CNGB3: variants seen among roughly 807,000 people sequenced by gnomAD.
The protein encoded by CNGB3 is cyclic nucleotide-gated channel beta-3.
In CNGB3, 86 loss-of-function variants were observed where a neutral mutation model predicts 92.8. The ratio of observed to expected loss-of-function variants is 0.93; its 90% CI spans 0.78 to 1.11. The LOEUF is 1.11. CNGB3 is among the 50% of genes least tolerant of loss of function. The pLI, the probability that CNGB3 is intolerant of heterozygous loss-of-function variation, is 0.00. For missense variants in CNGB3, 1,026 were observed against 956.8 expected, an observed-to-expected ratio of 1.07 and a Z score of -0.95; for synonymous variants, 333 against 332.7, an observed-to-expected ratio of 1.00 and a Z score of -0.01.
intron 2 of CNGB3, among the ~76,000 whole-genome samples, chr8:86,735,299 T>C (rs111745228): frequency 0.014 from 2,141 of 151,534 alleles, 42 homozygotes; most frequent in African/African-American, 0.048. Context: ...TCCACCACCA[T>C]GCCTGGCTAA....
At position 86,589,269 on chromosome 8, in the gene CNGB3, T is replaced by C. The variant is rs1248501468; in HGVS notation, c.1782-10017A>G. On this transcript the variant is annotated intron_variant, in intron 15 of 17. Coordinates refer to ENST00000320005, the MANE Select transcript of CNGB3 (RefSeq NM_019098.5). ...TCTTGCTAGCGGTCTATCAATTTTG[T>C]TGATCCTTTCAAAAAACCAGATCCT... Among the ~76,000 whole-genome samples, 18 of 151,438 alleles carry C rather than the reference T, an allele frequency of 1.2e-4. No homozygotes were observed. The East Asian group carries it at 3.3e-3, about 28-fold the overall frequency.
At chr8:86,589,254 G>A (rs1185355365) in intron 15 of CNGB3, among the ~76,000 whole-genome samples, 18 of 150,186 alleles carry the variant, frequency 1.2e-4, no homozygotes, top group African/African-American at 3.0e-4. Flanking sequence ...TCTTGCTAGC[G>A]GTCTATCAAT....
At chr8:86,680,622 C>T (rs1824064333) in intron 3 of CNGB3, among the ~76,000 whole-genome samples, 1 of 152,108 alleles carries the variant, frequency 6.6e-6, no homozygotes, top group African/African-American at 2.4e-5. Context: ...ACTAGAGAAG[C>T]AGAGCTGTAT....
intron 3 of CNGB3, among the ~76,000 whole-genome samples, chr8:86,717,861 C>T (rs575944606): frequency 6.6e-6 from 1 of 152,218 alleles, no homozygotes; most frequent in Admixed American, 6.5e-5. Flanking sequence ...CCAAAAGGAA[C>T]CCTTGAAACC....
intron 13 of CNGB3, among the ~76,000 whole-genome samples, chr8:86,624,248 G>A (rs1008246005): frequency 9.2e-5 from 14 of 152,050 alleles, no homozygotes; most frequent in African/African-American, 2.4e-4. Flanking sequence ...GCGAAACCCC[G>A]TCTCTACTAA....
chr8:86,739,661 T>C lies in CNGB3; in HGVS notation c.205A>G (p.Ile69Val), dbSNP rs1266200929. 3.1e-6 allele frequency: 5 copies of C among 1,611,260 alleles called. No homozygotes were observed. Among genetic ancestry groups the C allele is most frequent in the East Asian group, 2.2e-5 (1 of 44,800 alleles). ...PVTSEEPHTNIQDKLSKKNSS... is the reference protein window; with the variant it reads ...PVTSEEPHTNVQDKLSKKNSS... ...TTTCAGACTGCATTCTGACCTTGTATGTTGGTGTGTGGCTCTTCAGACGTG... is the reference window on the plus strand; with the variant it reads ...TTTCAGACTGCATTCTGACCTTGTACGTTGGTGTGTGGCTCTTCAGACGTG... The change falls in exon 2 of 18, where the codon ATA (isoleucine) becomes GTA (valine). Residue 69 changes from isoleucine (I) to valine (V), a missense_variant. Transcript: ENST00000320005.
intron 15 of CNGB3, among the ~76,000 whole-genome samples, chr8:86,596,901 T>C (rs1474454540): frequency 6.6e-6 from 1 of 151,996 alleles, no homozygotes; most frequent in Non-Finnish European, 1.5e-5. Context: ...CTGGAAACCA[T>C]CATTCTCAGC....
chr8:86,600,981 AAATT>A (rs976226829), intron 15 of CNGB3, among the ~76,000 whole-genome samples: 2 of 151,864 alleles, frequency 1.3e-5, no homozygotes, highest in Non-Finnish European at 2.9e-5. Context: ...CTGTCTGAAC[AAATT>A]AATTATAAAT....
intron 11 of CNGB3, among the ~76,000 whole-genome samples, chr8:86,629,469 C>T (rs1185931585): frequency 2.6e-5 from 4 of 152,184 alleles, no homozygotes; most frequent in African/African-American, 9.6e-5. Context: ...AAAAATTATA[C>T]AGCTGTGCTT....
intron 3 of CNGB3, among the ~76,000 whole-genome samples, chr8:86,709,698 T>TA (rs1258027824): frequency 7.9e-5 from 12 of 151,734 alleles, no homozygotes; most frequent in East Asian, 7.7e-4. Flanking sequence ...CTGGAAAAGT[T>TA]AAAAAAAATA....
Position 86,653,991 on chromosome 8 carries a change from T to A in CNGB3, c.903+21A>T, listed in dbSNP as rs1440173377. 8 of 1,541,706 alleles carry A rather than the reference T, an allele frequency of 5.2e-6. No homozygotes were observed. In the South Asian group the frequency reaches 7.8e-5, roughly 15 times the overall value. ...ATGGTAATAGATCACGTGAGCAACTTTGAAATTGTTTGTCACCTACCTGAA... is the reference window on the plus strand; with the variant it reads ...ATGGTAATAGATCACGTGAGCAACTATGAAATTGTTTGTCACCTACCTGAA... On this transcript the variant is annotated intron_variant, in intron 7 of 17. Transcript: ENST00000320005.
chr8:86,611,731 T>G (rs1461058473), intron 13 of CNGB3, 60 bp from the exon 14 acceptor site: 3 of 1,175,896 alleles, frequency 2.6e-6, no homozygotes, highest in Admixed American at 3.5e-5. Flanking sequence ...TCCAAATGAA[T>G]TCAAAACTCA....
intron 4 of CNGB3, among the ~76,000 whole-genome samples, 158 bp from the exon 5 acceptor site, chr8:86,668,326 G>A (rs543246969): frequency 1.3e-5 from 2 of 151,582 alleles, no homozygotes; most frequent in African/African-American, 2.4e-5. Context: ...TCACACACTG[G>A]GGTCTATCGG....
chr8:86,639,866 G>T (rs1426644274), intron 10 of CNGB3, among the ~76,000 whole-genome samples: 1 of 152,070 alleles, frequency 6.6e-6, no homozygotes, highest in Non-Finnish European at 1.5e-5. Flanking sequence ...GAATGCTTCA[G>T]TCTAAATGAG....
chr8:86,739,144 C>T (rs959989900), intron 2 of CNGB3, among the ~76,000 whole-genome samples: 1 of 151,944 alleles, frequency 6.6e-6, no homozygotes, highest in Non-Finnish European at 1.5e-5. Context: ...TGACCTGATA[C>T]GGATTTAGAA....
Position 86,687,268 on chromosome 8 carries a change from C to T in CNGB3, c.339-16170G>A, listed in dbSNP as rs578224241. Reference sequence around the variant, plus strand: ...ATAGAATATTCATAATAGCATTATTCACAGTAGCCAAAAGGTGGCCACCAG... The same window carrying T: ...ATAGAATATTCATAATAGCATTATTTACAGTAGCCAAAAGGTGGCCACCAG... On this transcript the variant is annotated intron_variant, in intron 3 of 17. Transcript: ENST00000320005. 2.3e-4 allele frequency among the ~76,000 whole-genome samples: 35 copies of T among 152,006 alleles called. No homozygotes were observed. In the South Asian group the frequency reaches 3.3e-3, roughly 14 times the overall value.
chr8:86,729,410 G>A (rs976798594), intron 2 of CNGB3, among the ~76,000 whole-genome samples: 1 of 152,118 alleles, frequency 6.6e-6, no homozygotes, highest in Non-Finnish European at 1.5e-5. Flanking sequence ...ATTAATTCTA[G>A]GTAGATCTTA....
At chr8:86,714,645 C>A (rs934319596) in intron 3 of CNGB3, among the ~76,000 whole-genome samples, 3 of 152,056 alleles carry the variant, frequency 2.0e-5, no homozygotes, top group Non-Finnish European at 1.5e-5. Context: ...TGAGAGAATC[C>A]ACAGACCCTT....
At chr8:86,580,861 G>A (rs1309828472) in intron 15 of CNGB3, among the ~76,000 whole-genome samples, 1 of 152,166 alleles carries the variant, frequency 6.6e-6, no homozygotes, top group Non-Finnish European at 1.5e-5. Context: ...TAGAAACTGA[G>A]AAAGAAGGAT....
Sources: allele counts gnomAD v4.1 joint callset (sites outside exome capture counted in the v4.1 genomes callset), GRCh38; gene constraint gnomAD v4.1.1; transcripts MANE v1.5; gene names NCBI Gene and HGNC (gene_info 2026-07-23, HGNC 2026-07-21).